ERI3: variants seen among roughly 807,000 people sequenced by gnomAD.
The protein encoded by ERI3 is ERI1 exoribonuclease family member 3.
In ERI3, 18 loss-of-function variants were observed where a neutral mutation model predicts 44.4. That is an observed-to-expected ratio of 0.41 (90% CI 0.28 to 0.60). The LOEUF (loss-of-function observed/expected upper bound fraction) is 0.60. ERI3 is among the 20% of genes least tolerant of loss of function. The probability of loss-of-function intolerance (pLI) is 0.36; values close to 1 mark genes in which losing one functional copy is unlikely to be tolerated. For synonymous variants in ERI3, 183 were observed against 164.8 expected (o/e 1.11, Z -0.84); for missense variants, 294 against 435.5 (o/e 0.68, Z 2.89).
rs1646968599 is a variant in ERI3, at chr1:44,354,971, C to G, written c.56G>C (p.Gly19Ala). 10 of 1,362,732 alleles carry G rather than the reference C, an allele frequency of 7.3e-6. No individual in the cohort carries two copies. Among genetic ancestry groups the G allele is most frequent in the Non-Finnish European group, 9.5e-6 (10 of 1,051,462 alleles). 84.4% of individuals were successfully genotyped at this position (1,362,732 alleles called of 1,614,324 possible). A position where few individuals can be genotyped will look rare whatever the true frequency, so the allele number is the denominator to read the frequency against. Residue 19 changes from glycine (G) to alanine (A), a missense_variant, in exon 1 of 9, where the codon GGG (glycine) becomes GCG (alanine). By Grantham distance (60) the Gly-to-Ala change is moderately conservative. Around this residue, in one of 2 missense-constraint regions of ERI3, gnomAD observed 107 missense variants for 96.9 expected, o/e 1.10. Transcript: ENST00000372257. ...AGGGGCGGGGGGCCAGGAGACCAGC[C>G]CTCCTTCCCAGGGCCGCCCCCGCCC... Reference protein sequence around the residue: ...DGGRGRPWEGGLVSWPPAPPL... With the variant: ...DGGRGRPWEGALVSWPPAPPL...
At position 44,252,338 on chromosome 1, in the gene ERI3, G is replaced by GCT. The variant is rs1644697997; in HGVS notation, c.832-4302_832-4301dup. Among the ~76,000 whole-genome samples the GCT allele has an allele frequency of 6.6e-6, 1 of 152,248 alleles. No homozygotes were observed. The highest frequency in any genetic ancestry group is 2.4e-5 in the African/African-American group (1 of 41,474). On this transcript the variant is annotated intron_variant, in intron 7 of 8. Transcript: ENST00000372257. The surrounding 1 kb of genome is among the most constrained non-coding windows in gnomAD (Gnocchi z 4.7). ...GCAGGTGCCGAGCTGCTCCCGGCTGGCTCTCCCCTCTCGTGGCTCTGCCCG... is the reference window on the plus strand; with the variant it reads ...GCAGGTGCCGAGCTGCTCCCGGCTGGCTCTCTCCCCTCTCGTGGCTCTGCCCG...
rs559322992 is a variant in ERI3, at chr1:44,266,506, T to C, written c.831+18329A>G. Among the ~76,000 whole-genome samples, 8 of 152,294 alleles carry C rather than the reference T, an allele frequency of 5.3e-5. No homozygotes were observed. The East Asian group carries it at 9.6e-4, about 18-fold the overall frequency. On this transcript the variant is annotated intron_variant, in intron 7 of 8. Transcript: ENST00000372257. ...TGGTTCAGGCACAGGAAACAACTTA[T>C]CACAGTTCAAAGGGGATGGTTTTCG... is the stretch of plus-strand genomic sequence containing the variant.
At chr1:44,255,953 A>G (rs996399644) in intron 7 of ERI3, among the ~76,000 whole-genome samples, 2 of 152,144 alleles carry the variant, frequency 1.3e-5, no homozygotes, top group East Asian at 1.9e-4. Flanking sequence ...ATTCAATTCA[A>G]AAAGTACCTT....
intron 7 of ERI3, among the ~76,000 whole-genome samples, chr1:44,267,080 C>G (rs1292561115): frequency 6.6e-6 from 1 of 152,138 alleles, no homozygotes; most frequent in African/African-American, 2.4e-5. Context: ...CTCTAGGAGG[C>G]CAGTACACAA....
At chr1:44,341,213 G>A (rs760936300) in intron 2 of ERI3, among the ~76,000 whole-genome samples, 17 of 152,190 alleles carry the variant, frequency 1.1e-4, no homozygotes, top group Non-Finnish European at 2.2e-4. Context: ...ATGGCACCTT[G>A]GGCATGCTGT....
At chr1:44,300,499 C>A (rs1645699962) in intron 6 of ERI3, among the ~76,000 whole-genome samples, 1 of 152,170 alleles carries the variant, frequency 6.6e-6, no homozygotes, top group Non-Finnish European at 1.5e-5. Flanking sequence ...CAGAGCAGAG[C>A]AACTATCCCA....
chr1:44,250,345 G>A (rs762265010), intron 7 of ERI3, among the ~76,000 whole-genome samples: 2 of 152,192 alleles, frequency 1.3e-5, no homozygotes, highest in Non-Finnish European at 2.9e-5. Context: ...GCAGCTAAGC[G>A]GGAAGACCAC....
chr1:44,346,114 T>C (rs1240234239), intron 2 of ERI3, among the ~76,000 whole-genome samples: 1 of 152,054 alleles, frequency 6.6e-6, no homozygotes, highest in Non-Finnish European at 1.5e-5. Flanking sequence ...TAAAACTGAG[T>C]CCTCACCTCA....
intron 7 of ERI3, among the ~76,000 whole-genome samples, chr1:44,275,260 A>T (rs1466127870): frequency 6.6e-6 from 1 of 151,950 alleles, no homozygotes; most frequent in Admixed American, 6.6e-5. Flanking sequence ...TAGCTTCTGT[A>T]GCAGCTTAAT....
intron 3 of ERI3, among the ~76,000 whole-genome samples, chr1:44,332,353 A>G (rs1039763723): frequency 6.6e-6 from 1 of 152,134 alleles, no homozygotes; most frequent in African/African-American, 2.4e-5. Context: ...CATCAGGATA[A>G]TAAGAGGCTA....
intron 2 of ERI3, among the ~76,000 whole-genome samples, chr1:44,342,838 TATATATATATATATATATA>T (rs1208031428): frequency 6.3e-4 from 18 of 28,492 alleles, no homozygotes; most frequent in African/African-American, 2.4e-3. Context: ...TATATATATA[TATATATATATATATATATA>T]TTTTTTTTTT....
In ERI3 at chr1:44,295,188, G is replaced by A. The variant is rs527725126; in HGVS notation, c.759-10281C>T. 4.6e-5 allele frequency among the ~76,000 whole-genome samples: 7 copies of A among 152,226 alleles called. No homozygotes were observed. The South Asian group carries it at 1.5e-3, about 32-fold the overall frequency. On this transcript the variant is annotated intron_variant, in intron 6 of 8. Coordinates refer to ENST00000372257, the MANE Select transcript of ERI3 (RefSeq NM_024066.3). ...ACATCAGGCTACTTCATGGACTGGG[G>A]GAAAAGGAGGAAGAATGGGAGAGGA...
At chr1:44,291,589 A>G (rs910520335) in intron 6 of ERI3, among the ~76,000 whole-genome samples, 4 of 152,204 alleles carry the variant, frequency 2.6e-5, no homozygotes, top group Non-Finnish European at 5.9e-5. Flanking sequence ...TGGGGATACT[A>G]TAGGAGATCA....
At chr1:44,343,930 G>T (rs141430870) in intron 2 of ERI3, among the ~76,000 whole-genome samples, 134 of 152,018 alleles carry the variant, frequency 8.8e-4, no homozygotes, top group Non-Finnish European at 1.5e-3. Context: ...TGTTTCAAAC[G>T]TTTTTTTAAA....
chr1:44,242,781 G>A (rs1200965233), intron 8 of ERI3, among the ~76,000 whole-genome samples: 1 of 152,168 alleles, frequency 6.6e-6, no homozygotes, highest in Non-Finnish European at 1.5e-5. Context: ...TTTGGTGTGT[G>A]CTAATCCTGG....
At chr1:44,297,848 A>C (rs960082341) in intron 6 of ERI3, among the ~76,000 whole-genome samples, 4 of 152,144 alleles carry the variant, frequency 2.6e-5, no homozygotes, top group African/African-American at 7.2e-5. Context: ...AGGGAATCAG[A>C]CTCCAGGATA....
At chr1:44,305,757 G>C (rs1344475070) in intron 6 of ERI3, among the ~76,000 whole-genome samples, 1 of 152,216 alleles carries the variant, frequency 6.6e-6, no homozygotes, top group Non-Finnish European at 1.5e-5. Context: ...AGGGGAGAAG[G>C]GGAGGAGGAG....
chr1:44,314,526 T>C (rs75474947), intron 4 of ERI3, among the ~76,000 whole-genome samples: 2,118 of 152,314 alleles, frequency 0.014, 48 homozygotes, highest in African/African-American at 0.048. Flanking sequence ...ACACTGTTGT[T>C]TTGCAAAGCT....
At chr1:44,351,804 C>A (rs879262733) in intron 2 of ERI3, among the ~76,000 whole-genome samples, 3 of 152,180 alleles carry the variant, frequency 2.0e-5, no homozygotes, top group Admixed American at 6.5e-5. Flanking sequence ...AAAGCTCTGA[C>A]ACTTGGTCCC....
Sources: allele counts gnomAD v4.1 joint callset (sites outside exome capture counted in the v4.1 genomes callset), GRCh38; gene constraint gnomAD v4.1.1; regional missense constraint gnomAD v4.1.1; non-coding constraint Gnocchi (gnomAD v3.1); transcripts MANE v1.5; gene names NCBI Gene and HGNC (gene_info 2026-07-23, HGNC 2026-07-21).